Variants in PDS5B observed in about 807,000 individuals in gnomAD.
PDS5B encodes PDS5 cohesin associated factor B.
PDS5B carries 51 observed loss-of-function variants against 184.1 expected under a neutral mutation model. The observed-to-expected ratio is 0.28, with a 90% CI of 0.22 to 0.35. The LOEUF (loss-of-function observed/expected upper bound fraction) is 0.35, where lower values mean the gene tolerates loss of function less well. Ranked by LOEUF, PDS5B falls within the 10% of genes least tolerant of loss-of-function variation. The pLI is 1.00. For synonymous variants in PDS5B, 566 were observed against 569.2 expected, an observed-to-expected ratio of 0.99 and a Z score of 0.08; for missense variants, 1,180 against 1,723.3, an observed-to-expected ratio of 0.68 and a Z score of 5.58.
In PDS5B at chr13:32,701,341, T is replaced by C; in HGVS notation, c.1759T>C (p.Leu587=). The C allele has an allele frequency of 4.4e-6, 7 of 1,608,932 alleles. No individual in the cohort carries two copies. Among genetic ancestry groups the C allele is most frequent in the South Asian group, 1.1e-5 (1 of 90,878 alleles). Residue 587 remains leucine, a synonymous_variant, in exon 17 of 35, where the codon TTG becomes CTG. Coordinates refer to ENST00000315596, the MANE Select transcript of PDS5B (RefSeq NM_015032.4). ...ATTACAGCGTGAAATAACTAAGAAG[T>C]TGGGCAACCCCAAACAGCCTACAAA... ...EGCVREITKK[L]GNPKQPTNPF... is the part of the protein sequence containing the mutation.
chr13:32,771,008 T>C (rs1954765941), intron 33 of PDS5B: 1 of 396,596 alleles, frequency 2.5e-6, no homozygotes, highest in Non-Finnish European at 4.5e-6. Context: ...ATACAGACTT[T>C]ATGATATCTA....
At chr13:32,721,247 C>A (rs971734475) in intron 19 of PDS5B, among the ~76,000 whole-genome samples, 2 of 150,156 alleles carry the variant, frequency 1.3e-5, no homozygotes, top group Non-Finnish European at 3.0e-5. Flanking sequence ...ACCTCCCAGA[C>A]GGGGTGGCTG....
At chr13:32,684,080 C>A (rs1442994127) in intron 11 of PDS5B, 57 bp downstream of exon 11, 1 of 879,788 alleles carries the variant, frequency 1.1e-6, no homozygotes, top group Non-Finnish European at 1.7e-6. Flanking sequence ...TGAAGTTTAA[C>A]AATATTTGAA....
In PDS5B at chr13:32,658,340, G is replaced by T; in HGVS notation, c.399+15G>T. Reference sequence around the variant, plus strand: ...ATTTACTTGAGGTAAGCAATATCTTGTATCTTGAGATGACATTTTAAACTG... The same window carrying T: ...ATTTACTTGAGGTAAGCAATATCTTTTATCTTGAGATGACATTTTAAACTG... On this transcript the variant is annotated intron_variant, in intron 4 of 34. Coordinates refer to ENST00000315596, the MANE Select transcript of PDS5B (RefSeq NM_015032.4). The T allele has an allele frequency of 7.0e-7, 1 of 1,429,202 alleles. No homozygotes were observed. Among genetic ancestry groups the T allele is most frequent in the Non-Finnish European group, 9.8e-7 (1 of 1,021,138 alleles). 88.5% of individuals were successfully genotyped at this position (1,429,202 alleles called of 1,614,324 possible).
chr13:32,606,600 T>G (rs542993744), intron 1 of PDS5B, among the ~76,000 whole-genome samples: 9 of 152,310 alleles, frequency 5.9e-5, no homozygotes, highest in African/African-American at 2.2e-4. Flanking sequence ...TTTCCTGAAT[T>G]TGAATGTTGG....
intron 20 of PDS5B, among the ~76,000 whole-genome samples, chr13:32,733,853 A>G (rs896562548): frequency 1.3e-5 from 2 of 152,066 alleles, no homozygotes; most frequent in African/African-American, 4.8e-5. Context: ...GAGATATTTT[A>G]TTCATATACA....
In PDS5B at chr13:32,740,653, T is replaced by C. The variant is rs2140970647; in HGVS notation, c.2407-427T>C. On this transcript the variant is annotated intron_variant, in intron 21 of 34. Transcript: ENST00000315596. The stretch of plus-strand genomic sequence containing the variant: ...CCTCAGGATTAGTTTGGAGTTGTGC[T>C]GAAAACAAAAACAAAACCCCTCCAG... 1.3e-5 allele frequency among the ~76,000 whole-genome samples: 2 copies of C among 152,272 alleles called. 1 individual carries two copies.
In PDS5B at chr13:32,761,082, A is replaced by G. The variant is rs74045110; in HGVS notation, c.3518+362A>G. Among the ~76,000 whole-genome samples, 423 of 152,322 alleles carry G rather than the reference A, an allele frequency of 2.8e-3. 1 individual carries two copies. The highest frequency in any genetic ancestry group is 9.6e-3 in the African/African-American group (401 of 41,576). On this transcript the variant is annotated intron_variant, in intron 30 of 34. Transcript: ENST00000315596. ...GAGTTAGTATGGAAGAGTTTCCACAATACATTATTGAGTGAAAAAGGCAAA... is the reference window on the plus strand; with the variant it reads ...GAGTTAGTATGGAAGAGTTTCCACAGTACATTATTGAGTGAAAAAGGCAAA...
chr13:32,713,581 A>G (rs910312603), intron 19 of PDS5B, among the ~76,000 whole-genome samples: 1 of 152,236 alleles, frequency 6.6e-6, no homozygotes. Context: ...ACAATGTGGA[A>G]GATGGAATCA....
intron 20 of PDS5B, among the ~76,000 whole-genome samples, chr13:32,733,128 T>C (rs774397904): frequency 6.6e-6 from 1 of 152,210 alleles, no homozygotes; most frequent in Non-Finnish European, 1.5e-5. Context: ...AAATTGATGT[T>C]AATTTATAGG....
chr13:32,645,236 G>GC (rs1391623490), intron 1 of PDS5B, among the ~76,000 whole-genome samples: 1 of 152,172 alleles, frequency 6.6e-6, no homozygotes, highest in African/African-American at 2.4e-5. Flanking sequence ...TACTGCCTCA[G>GC]CCTTCCAAAG....
chr13:32,766,232 C>T (rs1566427288), intron 31 of PDS5B, among the ~76,000 whole-genome samples: 1 of 152,148 alleles, frequency 6.6e-6, no homozygotes, highest in Non-Finnish European at 1.5e-5. Flanking sequence ...GTGTACTACA[C>T]TTATACCTTG....
At position 32,751,102 on chromosome 13, in the gene PDS5B, G is replaced by T. The variant is rs942866030; in HGVS notation, c.2737-2230G>T. Among the ~76,000 whole-genome samples, 72 of 152,086 alleles carry T rather than the reference G, an allele frequency of 4.7e-4. 1 individual carries two copies. Among genetic ancestry groups the T allele is most frequent in the African/African-American group, 1.6e-3 (65 of 41,408 alleles). On this transcript the variant is annotated intron_variant, in intron 24 of 34. Transcript: ENST00000315596. ...TGTGTTCATGTGTACTCAATGTTTA[G>T]CTCCCACTTTCAAGTGAGAACAGCA...
chr13:32,760,743 A>C, intron 30 of PDS5B, 23 bp downstream of exon 30: 1 of 1,603,974 alleles, frequency 6.2e-7, no homozygotes, highest in Middle Eastern at 1.7e-4. Context: ...GAAATGCCAC[A>C]ATTTACATTT....
intron 6 of PDS5B, among the ~76,000 whole-genome samples, chr13:32,666,867 G>A (rs1025638153): frequency 7.2e-5 from 11 of 152,014 alleles, no homozygotes; most frequent in Non-Finnish European, 1.3e-4. Flanking sequence ...ATAAATAAAA[G>A]CAAGACTAAA....
intron 19 of PDS5B, among the ~76,000 whole-genome samples, chr13:32,728,943 T>A (rs1953005233): frequency 6.6e-6 from 1 of 152,186 alleles, no homozygotes; most frequent in African/African-American, 2.4e-5. Context: ...TTTAAAAAAA[T>A]TAAACGTTGA....
intron 27 of PDS5B, 30 bp from the exon 28 acceptor site, chr13:32,758,504 A>G (rs1489588123): frequency 1.3e-6 from 2 of 1,595,400 alleles, no homozygotes; most frequent in Non-Finnish European, 1.7e-6. Flanking sequence ...CAGCTTAAGT[A>G]TCTGTGTTTT....
chr13:32,604,347 C>T (rs1405627402), intron 1 of PDS5B, among the ~76,000 whole-genome samples: 1 of 152,136 alleles, frequency 6.6e-6, no homozygotes, highest in Admixed American at 6.5e-5. Context: ...TGGTTTTTGT[C>T]TCTGGTTCTG....
intron 1 of PDS5B, among the ~76,000 whole-genome samples, chr13:32,610,888 CCTCTT>C (rs1022158102): frequency 2.0e-5 from 3 of 152,086 alleles, no homozygotes; most frequent in Non-Finnish European, 2.9e-5. Context: ...TTATTCCTCT[CCTCTT>C]AGTATTATAC....
Sources: allele counts gnomAD v4.1 joint callset (sites outside exome capture counted in the v4.1 genomes callset), GRCh38; gene constraint gnomAD v4.1.1; transcripts MANE v1.5; gene names NCBI Gene and HGNC (gene_info 2026-07-23, HGNC 2026-07-21).